Variants in HHIPL1 observed in about 807,000 individuals in gnomAD.
HHIPL1 encodes the protein HHIP-like protein 1.
A neutral mutation model predicts 61.8 loss-of-function variants in HHIPL1; 43 were observed. The observed-to-expected ratio is 0.70, with a 90% CI of 0.55 to 0.90. HHIPL1 has a LOEUF of 0.90. Among genes scored for constraint, HHIPL1 ranks in the 40% least tolerant of loss-of-function variants. HHIPL1 has a pLI of 0.00. For missense variants in HHIPL1, 1,056 were observed against 1,157.7 expected, an observed-to-expected ratio of 0.91 and a Z score of 1.28; for synonymous variants, 482 against 515.8, an observed-to-expected ratio of 0.93 and a Z score of 0.89.
At chr14:99,620,641 A>AG in the HHIPL1 span, among the ~76,000 whole-genome samples, 1 of 152,214 alleles carries the variant, frequency 6.6e-6, no homozygotes, top group Non-Finnish European at 1.5e-5. Context: ...AAAGGGGGAC[A>AG]GGGGCCACTG....
In HHIPL1 at chr14:99,675,063, T is replaced by C; in HGVS notation, c.1814-28T>C. 8.9e-7 allele frequency: 1 copy of C among 1,127,616 alleles called. No homozygotes were observed. Among genetic ancestry groups the C allele is most frequent in the Non-Finnish European group, 1.1e-6 (1 of 908,676 alleles). 69.9% of individuals were successfully genotyped at this position (1,127,616 alleles called of 1,614,324 possible). ...GGCTGGACAGGGGCGCCTGGGTCCC[T>C]CTGACGGCATACTCTTCCTCTGCGC... On this transcript the variant is annotated intron_variant, in intron 8 of 8. Coordinates refer to ENST00000330710, the MANE Select transcript of HHIPL1 (RefSeq NM_001127258.3). The surrounding 1 kb of genome is among the most constrained non-coding windows in gnomAD (Gnocchi z 5.4).
rs1159536411 is a variant in HHIPL1 at position 99,660,292 on chromosome 14, C to G, written c.1388C>G (p.Pro463Arg). Residue 463 changes from proline to arginine, a missense_variant, in exon 5 of 9, where the codon CCG becomes CGG. Physicochemically the swap from Pro to Arg is moderately radical, Grantham distance 103. Transcript: ENST00000330710. This position sits in a 1 kb window ranked among gnomAD's most constrained non-coding sequence, Gnocchi z 4.9. ...CANTSLNDLL[P>R]IFAYPHTVGK... ...TCCCACCCCGCAGATGACTTGCTGC[C>G]GATTTTCGCCTACCCGCACACGGTT... 3 of 1,614,072 alleles carry G rather than the reference C, an allele frequency of 1.9e-6. No homozygotes were observed. Among genetic ancestry groups the G allele is most frequent in the Admixed American group, 1.7e-5 (1 of 60,016 alleles).
chr14:99,644,114 T>C (rs1173867284), upstream of HHIPL1, among the ~76,000 whole-genome samples: 1 of 152,194 alleles, frequency 6.6e-6, no homozygotes, highest in Non-Finnish European at 1.5e-5. Context: ...CACAGACCTC[T>C]GAGTGCTCCA....
In HHIPL1 at chr14:99,675,460, C is replaced by T; in HGVS notation, c.2183C>T (p.Ala728Val). 2 of 1,540,004 alleles carry T rather than the reference C, an allele frequency of 1.3e-6. No individual in the cohort carries two copies. Among genetic ancestry groups the T allele is most frequent in the Non-Finnish European group, 1.7e-6 (2 of 1,146,078 alleles). Residue 728 changes from alanine to valine, a missense_variant, in exon 9 of 9, where the codon GCC (alanine) becomes GTC (valine). Coordinates refer to ENST00000330710, the MANE Select transcript of HHIPL1 (RefSeq NM_001127258.3). This position sits in a 1 kb window ranked among gnomAD's most constrained non-coding sequence, Gnocchi z 5.4. The stretch of plus-strand genomic sequence containing the variant: ...TACGCCGTGCGCGCCGTCAAGAGAG[C>T]CGAGTTCGGCCAGGGCGGCTCGCTG... ...FAYAVRAVKR[A>V]EFGQGGSLPI...
chr14:99,660,350 G>A lies in HHIPL1; in HGVS notation c.1446G>A (p.Arg482=), dbSNP rs1182900734. 2 of 1,614,124 alleles carry A rather than the reference G, an allele frequency of 1.2e-6. No homozygotes were observed. The highest frequency in any genetic ancestry group is 3.3e-5 in the Admixed American group (2 of 60,018). ...CGGTCACAGGGGGCTACGTGTACCGGGGCTGCGAGTACCCCAACCTGAACG... is the reference window on the plus strand; with the variant it reads ...CGGTCACAGGGGGCTACGTGTACCGAGGCTGCGAGTACCCCAACCTGAACG... ...GKSVTGGYVY[R]GCEYPNLNGL... Residue 482 remains arginine, a synonymous_variant, in exon 5 of 9, where the codon CGG becomes CGA. Coordinates refer to ENST00000330710, the MANE Select transcript of HHIPL1 (RefSeq NM_001127258.3). This position sits in a 1 kb window ranked among gnomAD's most constrained non-coding sequence, Gnocchi z 4.9.
At position 99,680,411 on chromosome 14, in the gene HHIPL1, T is replaced by G. The variant is rs981199033; in HGVS notation, c.*4785T>G. ...TTTGACTCAGTCTTGGTTGAGAATT[T>G]TCAGTTCTAGAAGCTCCTGGGTAAT... is the stretch of plus-strand genomic sequence containing the variant. On this transcript the variant is annotated 3_prime_UTR_variant, in exon 9 of 9. Transcript: ENST00000330710. 6.6e-6 allele frequency: 1 copy of G among 152,200 alleles called. No individual in the cohort carries two copies. The highest frequency in any genetic ancestry group is 1.5e-5 in the Non-Finnish European group (1 of 68,030). 9.4% of individuals were successfully genotyped at this position (152,200 alleles called of 1,614,324 possible). A position where few individuals can be genotyped will look rare whatever the true frequency, so the allele number is the denominator to read the frequency against.
At chr14:99,673,889 T>TG (rs1262045299) in intron 8 of HHIPL1, among the ~76,000 whole-genome samples, 1 of 41,688 alleles carries the variant, frequency 2.4e-5, no homozygotes, top group Non-Finnish European at 4.4e-5. Context: ...GGGGTGCACC[T>TG]GGGGGAGTGC....
chr14:99,666,300 C>A (rs1475242932), intron 6 of HHIPL1, among the ~76,000 whole-genome samples: 1 of 152,220 alleles, frequency 6.6e-6, no homozygotes, highest in Non-Finnish European at 1.5e-5. Context: ...GCTTCGGAGG[C>A]AGCTTCTGAG....
chr14:99,662,834 T>A (rs773843215), intron 5 of HHIPL1, 42 bp from the exon 6 acceptor site: 2 of 1,523,272 alleles, frequency 1.3e-6, no homozygotes, highest in Admixed American at 4.2e-5. Context: ...TTCCCCTGGG[T>A]GCCATGCCAG....
At chr14:99,637,555 G>C in the HHIPL1 span, among the ~76,000 whole-genome samples, 3 of 150,550 alleles carry the variant, frequency 2.0e-5, no homozygotes, top group South Asian at 6.3e-4. Context: ...CTGGGCAATA[G>C]AGCAAGACTC....
the HHIPL1 span, among the ~76,000 whole-genome samples, chr14:99,618,672 A>G: frequency 1.3e-5 from 2 of 152,196 alleles, no homozygotes; most frequent in Admixed American, 6.5e-5. Context: ...CTTCTCTCTC[A>G]AAGATTCTCT....
intron 6 of HHIPL1, 78 bp downstream of exon 6, chr14:99,663,099 C>G: frequency 3.6e-6 from 5 of 1,386,218 alleles, no homozygotes; most frequent in Non-Finnish European, 4.9e-6. Context: ...CTTCTGGTCT[C>G]TGATGTAGGG....
rs998141836 is a variant in HHIPL1 at position 99,672,441 on chromosome 14, T to A, written c.1813+42T>A. On this transcript the variant is annotated intron_variant, in intron 8 of 8. Coordinates refer to ENST00000330710, the MANE Select transcript of HHIPL1 (RefSeq NM_001127258.3). ...GGGACACTGAGGGTTGGGGGAGAGATCCCGCAGCCCACAACGGCTGCCTTT... is the reference window on the plus strand; with the variant it reads ...GGGACACTGAGGGTTGGGGGAGAGAACCCGCAGCCCACAACGGCTGCCTTT... 6 of 1,503,000 alleles carry A rather than the reference T, an allele frequency of 4.0e-6. No homozygotes were observed. In the African/African-American group the frequency reaches 6.9e-5, roughly 17 times the overall value. The allele number at this position is 1,503,000 out of a possible 1,614,324, so 93.1% of individuals were successfully genotyped here.
At chr14:99,630,989 C>T in the HHIPL1 span, among the ~76,000 whole-genome samples, 2 of 152,196 alleles carry the variant, frequency 1.3e-5, no homozygotes, top group Non-Finnish European at 2.9e-5. Context: ...CCAAATCCTA[C>T]TGGATAAGGA....
chr14:99,624,227 C>T, the HHIPL1 span, among the ~76,000 whole-genome samples: 7,260 of 152,252 alleles, frequency 0.048, 592 homozygotes, highest in African/African-American at 0.17. Flanking sequence ...CTGGCTGTGG[C>T]TCCCTGGAGC....
the HHIPL1 span, among the ~76,000 whole-genome samples, chr14:99,610,835 C>T: frequency 2.0e-5 from 3 of 152,290 alleles, no homozygotes; most frequent in South Asian, 2.1e-4. Flanking sequence ...TCATTTGCAG[C>T]GTGCTTCTGC....
chr14:99,660,502 T>C lies in HHIPL1; in HGVS notation c.1502+96T>C, dbSNP rs976493571. ...GGGAGTGTATGTGTGCGCCCGTTCC[T>C]GCACATGTGCCTCGCTGCTCTGACA... On this transcript the variant is annotated intron_variant, in intron 5 of 8. Coordinates refer to ENST00000330710, the MANE Select transcript of HHIPL1 (RefSeq NM_001127258.3). The surrounding 1 kb of genome is among the most constrained non-coding windows in gnomAD (Gnocchi z 4.9). 46 of 1,421,898 alleles carry C rather than the reference T, an allele frequency of 3.2e-5. No individual in the cohort carries two copies. In the African/African-American group the frequency reaches 6.0e-4, roughly 18 times the overall value. The allele number at this position is 1,421,898 out of a possible 1,614,324, so 88.1% of individuals were successfully genotyped here.
At chr14:99,636,022 GCTTCAGGAAGAGT>G in the HHIPL1 span, among the ~76,000 whole-genome samples, 1 of 152,144 alleles carries the variant, frequency 6.6e-6, no homozygotes, top group Non-Finnish European at 1.5e-5. Context: ...TCCACTTGTG[GCTTCAGGAAGAGT>G]CTCTGCCTCT....
chr14:99,672,283 G>A (rs760322070), intron 7 of HHIPL1, 34 bp from the exon 8 acceptor site: 6 of 1,542,502 alleles, frequency 3.9e-6, no homozygotes, highest in Admixed American at 2.0e-5. Context: ...GGCTCCCAGG[G>A]TGAGACTCAT....
Sources: gnomAD v4.1 joint callset for allele counts (sites outside exome capture counted in the v4.1 genomes callset) on GRCh38, gnomAD v4.1.1 for gene constraint, Gnocchi (gnomAD v3.1) non-coding constraint, MANE v1.5 for transcripts, NCBI Gene and HGNC (gene_info 2026-07-23, HGNC 2026-07-21) for gene names.